MILR1: variants seen among roughly 807,000 people sequenced by gnomAD.
MILR1 encodes the protein allergin-1.
A neutral mutation model predicts 18.5 loss-of-function variants in MILR1; 31 were observed. That is an observed-to-expected ratio of 1.68 (90% CI 1.26 to 2.26). The LOEUF is 2.26. Ranked by LOEUF, MILR1 falls within the 30% of genes most tolerant of loss-of-function variation. The pLI is 0.00. For missense variants in MILR1, 257 were observed against 157.4 expected (o/e 1.63, Z -3.38); for synonymous variants, 85 against 56.2 (o/e 1.51, Z -2.30).
At chr17:64,474,073 T>C in the MILR1 span, among the ~76,000 whole-genome samples, 1 of 151,854 alleles carries the variant, frequency 6.6e-6, no homozygotes, top group Non-Finnish European at 1.5e-5. Flanking sequence ...TTTTCATTTG[T>C]TATTATTATT....
At chr17:64,462,590 G>A (rs1194421119) in intron 5 of MILR1, among the ~76,000 whole-genome samples, 1 of 151,382 alleles carries the variant, frequency 6.6e-6, no homozygotes, top group Non-Finnish European at 1.5e-5. Flanking sequence ...TATTAGGTTG[G>A]TGCATAAGTA....
At chr17:64,465,910 T>G (rs782032462) in intron 6 of MILR1, among the ~76,000 whole-genome samples, 2 of 152,198 alleles carry the variant, frequency 1.3e-5, no homozygotes, top group Non-Finnish European at 2.9e-5. Flanking sequence ...CATATTGCTT[T>G]GCAGTAAACA....
At chr17:64,464,580 T>C (rs2037507004) in intron 5 of MILR1, among the ~76,000 whole-genome samples, 1 of 151,938 alleles carries the variant, frequency 6.6e-6, no homozygotes, top group Non-Finnish European at 1.5e-5. Context: ...CTCCTTCTTA[T>C]AAAAAGTCCA....
chr17:64,492,937 T>A, the MILR1 span: 3 of 1,614,102 alleles, frequency 1.9e-6, no homozygotes, highest in Non-Finnish European at 2.5e-6. Context: ...AAAAACAGGA[T>A]GAAAACACAC....
At chr17:64,495,436 TG>T in the MILR1 span, among the ~76,000 whole-genome samples, 1 of 151,560 alleles carries the variant, frequency 6.6e-6, no homozygotes, top group African/African-American at 2.4e-5. Flanking sequence ...AAAAATTAGC[TG>T]GGTGTGGTGG....
At chr17:64,480,938 A>G in the MILR1 span, among the ~76,000 whole-genome samples, 1 of 152,234 alleles carries the variant, frequency 6.6e-6, no homozygotes, top group African/African-American at 2.4e-5. Context: ...GACTGGAAAT[A>G]CAGAAGTAAC....
rs1395485703 is a variant in MILR1, at chr17:64,460,117, C to A, written c.653-705C>A. On this transcript the variant is annotated intron_variant, in intron 4 of 9. Coordinates refer to ENST00000619286, the MANE Select transcript of MILR1 (RefSeq NM_001085423.2). The stretch of plus-strand genomic sequence containing the variant: ...CTCGGCTCATTGCAACCTCCGCCTC[C>A]TGGGTTCAAGCGATTCTCATGCCTC... 6.6e-5 allele frequency among the ~76,000 whole-genome samples: 10 copies of A among 151,788 alleles called. 2 individuals are homozygous for A. The South Asian group carries it at 1.7e-3, about 25-fold the overall frequency.
At chr17:64,494,877 A>C in the MILR1 span, among the ~76,000 whole-genome samples, 1 of 152,192 alleles carries the variant, frequency 6.6e-6, no homozygotes, top group South Asian at 2.1e-4. Flanking sequence ...TTCATCTTAG[A>C]AACCAAGATC....
the MILR1 span, among the ~76,000 whole-genome samples, chr17:64,480,120 C>T: frequency 6.6e-6 from 1 of 152,102 alleles, no homozygotes; most frequent in Non-Finnish European, 1.5e-5. Context: ...AATACTGTTC[C>T]CTGCTGAGGC....
chr17:64,493,117 C>T, the MILR1 span: 7 of 1,321,768 alleles, frequency 5.3e-6, no homozygotes, highest in Non-Finnish European at 7.6e-6. Flanking sequence ...AACGTTAACA[C>T]AGCATAAAGA....
At chr17:64,483,384 G>A in the MILR1 span, among the ~76,000 whole-genome samples, 33 of 151,870 alleles carry the variant, frequency 2.2e-4, no homozygotes, top group African/African-American at 7.3e-4. Context: ...TAGGTATGGC[G>A]CATACCTGTA....
the MILR1 span, among the ~76,000 whole-genome samples, chr17:64,488,923 CAACAG>C: frequency 3.3e-5 from 5 of 151,768 alleles, no homozygotes; most frequent in Non-Finnish European, 5.9e-5. Context: ...CCAGCCTGGG[CAACAG>C]AGTGAGATGC....
At chr17:64,470,647 G>GTTAGTTAGTTAGT (rs2037674502), downstream of MILR1, among the ~76,000 whole-genome samples, 2 of 152,134 alleles carry the variant, frequency 1.3e-5, no homozygotes, top group African/African-American at 4.8e-5. Context: ...AGTTAGCAGA[G>GTTAGTTAGTTAGT]CAGAACTGCT....
the MILR1 span, chr17:64,477,672 A>T: frequency 1.1e-6 from 1 of 899,948 alleles, no homozygotes; most frequent in South Asian, 2.2e-5. Context: ...TATTCCTGAT[A>T]CAATGAAAGA....
At chr17:64,483,621 G>A in the MILR1 span, among the ~76,000 whole-genome samples, 86 of 151,666 alleles carry the variant, frequency 5.7e-4, 1 homozygote, top group East Asian at 0.01. Flanking sequence ...CCTGGGCCAC[G>A]TGGCTTACCA....
At position 64,452,833 on chromosome 17, in the gene MILR1, A is replaced by G. The variant is rs1456752238; in HGVS notation, c.334A>G (p.Lys112Glu). The change falls in exon 3 of 10, where the codon AAA (lysine) becomes GAA (glutamate). Residue 112 changes from lysine to glutamate, a missense_variant. Coordinates refer to ENST00000619286, the MANE Select transcript of MILR1 (RefSeq NM_001085423.2). ...KCKAQVTSCS[K>E]YSRDFSFTIV... Reference sequence around the variant, plus strand: ...CAAAGCCCAAGTTACCAGCTGTTCAAAATACAGTCGTGACTTCAGCTTCAC... The same window carrying G: ...CAAAGCCCAAGTTACCAGCTGTTCAGAATACAGTCGTGACTTCAGCTTCAC... The G allele has an allele frequency of 1.3e-5, 6 of 475,122 alleles. No individual in the cohort carries two copies. The highest frequency in any genetic ancestry group is 1.9e-5 in the Non-Finnish European group (5 of 259,014). The allele number at this position is 475,122 out of a possible 1,614,324, so 29.4% of individuals were successfully genotyped here.
the MILR1 span, among the ~76,000 whole-genome samples, chr17:64,483,513 C>T: frequency 8.8e-6 from 1 of 113,454 alleles, no homozygotes; most frequent in African/African-American, 2.9e-5. Context: ...GATCCTGTCT[C>T]AAAAAAAAAA....
chr17:64,484,690 G>T, the MILR1 span, among the ~76,000 whole-genome samples: 12 of 152,258 alleles, frequency 7.9e-5, 1 homozygote, highest in South Asian at 1.2e-3. Context: ...GTAAGAAAAA[G>T]AAAGGATTCC....
chr17:64,492,499 T>C, the MILR1 span, among the ~76,000 whole-genome samples: 1 of 152,248 alleles, frequency 6.6e-6, no homozygotes, highest in South Asian at 2.1e-4. Flanking sequence ...CCAAAGTAAC[T>C]TTGTAATCTA....
Sources: allele counts gnomAD v4.1 joint callset (sites outside exome capture counted in the v4.1 genomes callset), GRCh38; gene constraint gnomAD v4.1.1; transcripts MANE v1.5; gene names NCBI Gene and HGNC (gene_info 2026-07-23, HGNC 2026-07-21).